USP13: variants seen among roughly 807,000 people sequenced by gnomAD.
The protein encoded by USP13 is ubiquitin specific peptidase 13, also known as ubiquitin carboxyl-terminal hydrolase 13.
Under a neutral mutation model 107.8 loss-of-function variants are expected in USP13, and 68 were observed. That is an observed-to-expected ratio of 0.63 (90% CI 0.52 to 0.77). USP13 has a LOEUF of 0.77. USP13 is among the 30% of genes least tolerant of loss of function. The probability of loss-of-function intolerance (pLI) is 0.00; values close to 1 mark genes in which losing one functional copy is unlikely to be tolerated. For synonymous variants in USP13, 377 were observed against 389.5 expected, an observed-to-expected ratio of 0.97 and a Z score of 0.38; for missense variants, 945 against 1,093.3, an observed-to-expected ratio of 0.86 and a Z score of 1.91.
intron 6 of USP13, among the ~76,000 whole-genome samples, chr3:179,709,411 A>G (rs1241279842): frequency 6.6e-6 from 1 of 152,210 alleles, no homozygotes; most frequent in East Asian, 1.9e-4. Context: ...AAATGGATTA[A>G]TTATGGAGAA....
At chr3:179,687,684 A>AAAAAAAAAAAAAAAAAAAAAAAAAAAC (rs1711925625) in intron 2 of USP13, among the ~76,000 whole-genome samples, 1 of 144,396 alleles carries the variant, frequency 6.9e-6, no homozygotes, top group Non-Finnish European at 1.5e-5. Flanking sequence ...AAAAAAAAAA[A>AAAAAAAAAAAAAAAAAAAAAAAAAAAC]AGGACTAGTG....
intron 1 of USP13, among the ~76,000 whole-genome samples, chr3:179,677,063 G>C (rs1711505943): frequency 6.6e-6 from 1 of 151,764 alleles, no homozygotes; most frequent in Non-Finnish European, 1.5e-5. Flanking sequence ...TTACCACGTT[G>C]GTCAGGCTGG....
At chr3:179,724,306 A>G (rs1475274441) in intron 8 of USP13, among the ~76,000 whole-genome samples, 2 of 151,300 alleles carry the variant, frequency 1.3e-5, no homozygotes, top group Non-Finnish European at 2.9e-5. Context: ...AAAAATACAC[A>G]AATTAGCCGG....
Position 179,788,937 on chromosome 3 carries a change from C to T in USP13, c.*4796C>T, listed in dbSNP as rs1357457806. On this transcript the variant is annotated 3_prime_UTR_variant, in exon 21 of 21. Transcript: ENST00000263966. ...AAAACCAATATATATATGTATGATCCCAATTAAAAGACAAAAGCAAATGAG... is the reference window on the plus strand; with the variant it reads ...AAAACCAATATATATATGTATGATCTCAATTAAAAGACAAAAGCAAATGAG... The T allele has an allele frequency of 6.6e-6, 1 of 152,032 alleles. No homozygotes were observed. The highest frequency in any genetic ancestry group is 1.5e-5 in the Non-Finnish European group (1 of 68,030). 9.4% of individuals were successfully genotyped at this position (152,032 alleles called of 1,614,324 possible).
intron 16 of USP13, among the ~76,000 whole-genome samples, chr3:179,759,968 AC>A (rs1342972445): frequency 2.0e-5 from 3 of 151,856 alleles, no homozygotes; most frequent in Non-Finnish European, 4.4e-5. Context: ...CACTGCACCC[AC>A]CTGGTAAATG....
rs754326872 is a variant in USP13, at chr3:179,719,939, G to C, written c.806-1G>C. The C allele has an allele frequency of 1.9e-6, 3 of 1,612,892 alleles. No individual in the cohort carries two copies. Among genetic ancestry groups the C allele is most frequent in the Non-Finnish European group, 2.5e-6 (3 of 1,179,274 alleles). ...GTGCTTATTTTCTCTTCATCCGCTA[G>C]ATGTTTATTCTTTTCAAGAAGAAGA... On this transcript the variant is annotated splice_acceptor_variant, in intron 6 of 20. Transcript: ENST00000263966. LOFTEE classifies it high-confidence loss of function.
intron 11 of USP13, among the ~76,000 whole-genome samples, chr3:179,741,108 G>T (rs1006147556): frequency 1.3e-5 from 2 of 151,748 alleles, no homozygotes; most frequent in African/African-American, 4.8e-5. Context: ...GGTTACAACA[G>T]TGTTCTTTGT....
intron 1 of USP13, among the ~76,000 whole-genome samples, chr3:179,674,979 T>C (rs941420535): frequency 6.6e-6 from 1 of 152,112 alleles, no homozygotes. Flanking sequence ...ATTGAGACCA[T>C]CCTGGCTAAC....
intron 1 of USP13, among the ~76,000 whole-genome samples, chr3:179,677,256 A>G (rs1711508591): frequency 1.3e-5 from 2 of 152,094 alleles, no homozygotes; most frequent in South Asian, 4.2e-4. Flanking sequence ...GACATTATCA[A>G]GCGGCTTCAG....
intron 8 of USP13, among the ~76,000 whole-genome samples, chr3:179,728,347 C>T (rs1289644577): frequency 2.5e-4 from 35 of 140,052 alleles, no homozygotes; most frequent in Admixed American, 7.1e-4. Flanking sequence ...CCGGACGGGG[C>T]GGCAGGGCAG....
At chr3:179,738,805 A>T (rs1714082204) in intron 10 of USP13, among the ~76,000 whole-genome samples, 1 of 152,188 alleles carries the variant, frequency 6.6e-6, no homozygotes, top group Admixed American at 6.5e-5. Flanking sequence ...AGCAGTGCTG[A>T]AGCATTAGTG....
In USP13 at chr3:179,653,073, C is replaced by T. The variant is rs1720130185; in HGVS notation, c.-153C>T. 4 of 596,218 alleles carry T rather than the reference C, an allele frequency of 6.7e-6. No homozygotes were observed. The South Asian group carries it at 2.8e-4, about 42-fold the overall frequency. The allele number at this position is 596,218 out of a possible 1,614,324, so 36.9% of individuals were successfully genotyped here. The stretch of plus-strand genomic sequence containing the variant: ...CCAAGCCCGCGGTGCCCGCTCCCGC[C>T]CCGCAGCCCGCTCTCCCCGCCCGCC... On this transcript the variant is annotated 5_prime_UTR_variant, in exon 1 of 21. Transcript: ENST00000263966. This position sits in a 1 kb window ranked among gnomAD's most constrained non-coding sequence, Gnocchi z 4.0.
intron 10 of USP13, among the ~76,000 whole-genome samples, chr3:179,732,275 C>T (rs151241333): frequency 2.6e-5 from 4 of 152,308 alleles, no homozygotes; most frequent in Non-Finnish European, 4.4e-5. Context: ...ATCCAGGCTT[C>T]TTCTACTTCT....
At chr3:179,730,818 A>C in intron 10 of USP13, 109 bp downstream of exon 10, 1 of 950,800 alleles carries the variant, frequency 1.1e-6, no homozygotes, top group South Asian at 1.6e-5. Flanking sequence ...AAGCTGTCAG[A>C]ATAGTAATGT....
At chr3:179,761,355 A>T (rs1400760470) in intron 17 of USP13, 100 bp downstream of exon 17, 6 of 1,451,228 alleles carry the variant, frequency 4.1e-6, no homozygotes, top group Non-Finnish European at 5.6e-6. Context: ...ATCCCTAGAA[A>T]ATGACTTTAT....
intron 4 of USP13, 136 bp downstream of exon 4, chr3:179,701,265 C>T (rs919810807): frequency 4.2e-5 from 48 of 1,144,388 alleles, no homozygotes; most frequent in Non-Finnish European, 5.5e-5. Flanking sequence ...TGAAAATGAG[C>T]ATGAACACGC....
At chr3:179,776,153 C>A (rs548286906) in intron 19 of USP13, among the ~76,000 whole-genome samples, 3 of 152,062 alleles carry the variant, frequency 2.0e-5, no homozygotes, top group Admixed American at 6.5e-5. Context: ...AAGTTCATCC[C>A]CCTAGATCAG....
intron 1 of USP13, among the ~76,000 whole-genome samples, chr3:179,670,267 C>T (rs1720711531): frequency 6.6e-6 from 1 of 152,172 alleles, no homozygotes; most frequent in South Asian, 2.1e-4. Flanking sequence ...TCTTCGATGT[C>T]TCTTTCTTGC....
At position 179,786,138 on chromosome 3, in the gene USP13, C is replaced by T. The variant is rs1041443260; in HGVS notation, c.*1997C>T. 1 of 152,184 alleles carries T rather than the reference C, an allele frequency of 6.6e-6. No homozygotes were observed. The highest frequency in any genetic ancestry group is 1.9e-4 in the East Asian group (1 of 5,184). The allele number at this position is 152,184 out of a possible 1,614,324, so 9.4% of individuals were successfully genotyped here. On this transcript the variant is annotated 3_prime_UTR_variant, in exon 21 of 21. Coordinates refer to ENST00000263966, the MANE Select transcript of USP13 (RefSeq NM_003940.3). The stretch of plus-strand genomic sequence containing the variant: ...ACTTGGATTTCCTAAAGCAGTCCCA[C>T]TCTGTTATGAGAGTCACTGACTCCC...
Sources: gnomAD v4.1 joint callset for allele counts (sites outside exome capture counted in the v4.1 genomes callset) on GRCh38, gnomAD v4.1.1 for gene constraint, Gnocchi (gnomAD v3.1) non-coding constraint, MANE v1.5 for transcripts, NCBI Gene and HGNC (gene_info 2026-07-23, HGNC 2026-07-21) for gene names.